Variants in ARHGAP20 observed in about 807,000 individuals in gnomAD.
The protein encoded by ARHGAP20 is Rho GTPase activating protein 20, also known as rho GTPase-activating protein 20.
Under a neutral mutation model 73.7 loss-of-function variants are expected in ARHGAP20, and 34 were observed. The observed-to-expected ratio is 0.46, with a 90% CI of 0.35 to 0.61. ARHGAP20 has a LOEUF of 0.61. Ranked by LOEUF, ARHGAP20 falls within the 20% of genes least tolerant of loss-of-function variation. ARHGAP20 has a pLI of 0.00. For synonymous variants in ARHGAP20, 523 were observed against 518.2 expected (o/e 1.01, Z -0.13); for missense variants, 1,314 against 1,420.9 (o/e 0.92, Z 1.21).
At chr11:110,654,813 A>G (rs1949429923) in intron 2 of ARHGAP20, among the ~76,000 whole-genome samples, 1 of 152,250 alleles carries the variant, frequency 6.6e-6, no homozygotes, top group Non-Finnish European at 1.5e-5. Context: ...GAGAGGTTAC[A>G]GGGAAAGTGC....
chr11:110,670,072 C>CAAGG (rs1949797994), intron 2 of ARHGAP20, among the ~76,000 whole-genome samples: 1 of 152,042 alleles, frequency 6.6e-6, no homozygotes, highest in East Asian at 1.9e-4. Flanking sequence ...TTGGCAGTAT[C>CAAGG]AAGGAAGGAT....
intron 6 of ARHGAP20, among the ~76,000 whole-genome samples, chr11:110,612,705 ATTAT>A (rs571059987): frequency 1.4e-3 from 216 of 152,366 alleles, no homozygotes; most frequent in Admixed American, 5.2e-3. Context: ...CTGATAATTC[ATTAT>A]TTATCCTTCC....
intron 1 of ARHGAP20, chr11:110,711,894 G>A (rs1295375837): frequency 3.1e-6 from 4 of 1,307,022 alleles, no homozygotes; most frequent in Non-Finnish European, 2.9e-6. Flanking sequence ...GTCGCTCGAG[G>A]AGAGACTAAG....
At chr11:110,610,170 CTACTT>C (rs958976701) in intron 7 of ARHGAP20, among the ~76,000 whole-genome samples, 10 of 152,070 alleles carry the variant, frequency 6.6e-5, no homozygotes, top group Non-Finnish European at 1.3e-4. Flanking sequence ...ATGGAGGTGA[CTACTT>C]TACCCAGTGC....
intron 4 of ARHGAP20, among the ~76,000 whole-genome samples, chr11:110,617,243 C>T (rs1388350541): frequency 1.3e-5 from 2 of 151,068 alleles, no homozygotes; most frequent in Non-Finnish European, 3.0e-5. Flanking sequence ...ATAATTCATT[C>T]TCTTTTATTT....
At chr11:110,675,100 T>A (rs532094296) in intron 2 of ARHGAP20, among the ~76,000 whole-genome samples, 194 of 152,320 alleles carry the variant, frequency 1.3e-3, no homozygotes, top group African/African-American at 4.4e-3. Context: ...TCAGTTCAGA[T>A]TTTTATTATC....
At position 110,659,747 on chromosome 11, in the gene ARHGAP20, C is replaced by T. The variant is rs1182681847; in HGVS notation, c.189-28955G>A. On this transcript the variant is annotated intron_variant, in intron 2 of 14. Coordinates refer to ENST00000683387, the MANE Select transcript of ARHGAP20 (RefSeq NM_001384657.1). ...CCATAAAAAATGATGAGTTCATGTC[C>T]TTTGTAGGGACATGGATGAAATTGG... is the stretch of plus-strand genomic sequence containing the variant. 2.0e-5 allele frequency among the ~76,000 whole-genome samples: 3 copies of T among 151,984 alleles called. No homozygotes were observed. In the East Asian group the frequency reaches 5.8e-4, roughly 29 times the overall value.
intron 1 of ARHGAP20, among the ~76,000 whole-genome samples, chr11:110,698,189 T>A (rs1374337739): frequency 2.6e-5 from 4 of 151,910 alleles, no homozygotes; most frequent in Admixed American, 1.3e-4. Context: ...GTATGGTTTT[T>A]GTTTTTAGTT....
chr11:110,635,566 G>A (rs1948949973), intron 2 of ARHGAP20, among the ~76,000 whole-genome samples: 1 of 152,002 alleles, frequency 6.6e-6, no homozygotes. Context: ...CATTTCCTGT[G>A]ATTTCTCAGC....
At chr11:110,691,210 T>C (rs1950235983) in intron 1 of ARHGAP20, among the ~76,000 whole-genome samples, 1 of 152,170 alleles carries the variant, frequency 6.6e-6, no homozygotes, top group Non-Finnish European at 1.5e-5. Context: ...GGTATATAAA[T>C]ATAAGACGGT....
At position 110,606,755 on chromosome 11, in the gene ARHGAP20, C is replaced by CA; in HGVS notation, c.776-7dup. On this transcript the variant is annotated splice_polypyrimidine_tract_variant and splice_region_variant and intron_variant, in intron 8 of 14. Coordinates refer to ENST00000683387, the MANE Select transcript of ARHGAP20 (RefSeq NM_001384657.1). Reference sequence around the variant, plus strand: ...TCCATATGGATATTCATGCCCTACACAGAGACAAATCTAAATGTAGACTTC... The same window carrying CA: ...TCCATATGGATATTCATGCCCTACACAAGAGACAAATCTAAATGTAGACTTC... The CA allele has an allele frequency of 1.3e-6, 2 of 1,523,616 alleles. No homozygotes were observed. The highest frequency in any genetic ancestry group is 1.8e-6 in the Non-Finnish European group (2 of 1,137,300). 94.4% of individuals were successfully genotyped at this position (1,523,616 alleles called of 1,614,324 possible).
At chr11:110,666,870 T>C (rs1313567314) in intron 2 of ARHGAP20, among the ~76,000 whole-genome samples, 1 of 152,238 alleles carries the variant, frequency 6.6e-6, no homozygotes, top group Non-Finnish European at 1.5e-5. Context: ...GGGAAAGTTT[T>C]AGGGATCAGG....
intron 2 of ARHGAP20, among the ~76,000 whole-genome samples, chr11:110,642,227 C>T (rs926997936): frequency 1.3e-5 from 2 of 152,018 alleles, no homozygotes; most frequent in African/African-American, 2.4e-5. Flanking sequence ...AGAATCATAT[C>T]GTCGGTGAAG....
chr11:110,636,243 T>C (rs1948965073), intron 2 of ARHGAP20, among the ~76,000 whole-genome samples: 1 of 152,068 alleles, frequency 6.6e-6, no homozygotes, highest in Non-Finnish European at 1.5e-5. Flanking sequence ...AATGAACAGG[T>C]GTGGCTGTGT....
chr11:110,701,316 T>C (rs1439646300), intron 1 of ARHGAP20, among the ~76,000 whole-genome samples: 4 of 150,410 alleles, frequency 2.7e-5, no homozygotes, highest in African/African-American at 2.4e-5. Context: ...TGGTTTTGAT[T>C]TGCATTTCTC....
chr11:110,615,897 T>C (rs942953117), intron 4 of ARHGAP20, among the ~76,000 whole-genome samples: 2 of 152,212 alleles, frequency 1.3e-5, no homozygotes, highest in Non-Finnish European at 2.9e-5. Context: ...AGAGTTCCTA[T>C]AGTGGAAAGA....
rs759133656 is a variant in ARHGAP20 at position 110,590,660 on chromosome 11, T to A, written c.1293A>T (p.Ala431=). The A allele has an allele frequency of 1.2e-6, 2 of 1,613,708 alleles. No homozygotes were observed. The highest frequency in any genetic ancestry group is 1.1e-5 in the South Asian group (1 of 91,034). ...HLDCESIFVI[A]SVLKDFLRNI... ...TGACTCTTCTTACCTTTAAGACAGA[T>A]GCTATCACAAAAATAGATTCACAGT... The change falls in exon 11 of 15, where the codon GCA becomes GCT. Residue 431 remains alanine (A), a synonymous_variant. Coordinates refer to ENST00000683387, the MANE Select transcript of ARHGAP20 (RefSeq NM_001384657.1).
At chr11:110,626,899 T>C (rs1018925131) in intron 3 of ARHGAP20, among the ~76,000 whole-genome samples, 3 of 152,284 alleles carry the variant, frequency 2.0e-5, no homozygotes, top group African/African-American at 7.2e-5. Flanking sequence ...ATGGGCATTC[T>C]TGGGGTCATA....
At chr11:110,668,921 A>G (rs1041756504) in intron 2 of ARHGAP20, among the ~76,000 whole-genome samples, 6 of 152,218 alleles carry the variant, frequency 3.9e-5, no homozygotes, top group African/African-American at 1.4e-4. Context: ...ATAGCCATGC[A>G]CAATAAAAAT....
Sources: allele counts gnomAD v4.1 joint callset (sites outside exome capture counted in the v4.1 genomes callset), GRCh38; gene constraint gnomAD v4.1.1; transcripts MANE v1.5; gene names NCBI Gene and HGNC (gene_info 2026-07-23, HGNC 2026-07-21).